MITF: variants seen among roughly 807,000 people sequenced by gnomAD.
MITF encodes melanocyte inducing transcription factor, also known as microphthalmia-associated transcription factor.
MITF carries 17 observed loss-of-function variants against 60.5 expected under a neutral mutation model. The ratio of observed to expected loss-of-function variants is 0.28; its 90% CI spans 0.19 to 0.42. The LOEUF is 0.42. MITF is among the 10% of genes least tolerant of loss of function. MITF has a pLI of 1.00. For missense variants in MITF, 622 were observed against 683.5 expected, an observed-to-expected ratio of 0.91 and a Z score of 1.00; for synonymous variants, 260 against 248.5, an observed-to-expected ratio of 1.05 and a Z score of -0.43.
chr3:69,875,192 G>A (rs954639528), intron 1 of MITF, among the ~76,000 whole-genome samples: 7 of 152,100 alleles, frequency 4.6e-5, no homozygotes, highest in Non-Finnish European at 8.8e-5. Context: ...CCTCCTCCTC[G>A]AGCCATTGCT....
intron 7 of MITF, among the ~76,000 whole-genome samples, chr3:69,952,778 C>T (rs963277207): frequency 1.1e-4 from 16 of 152,068 alleles, no homozygotes; most frequent in African/African-American, 3.6e-4. Flanking sequence ...TTAACACAAA[C>T]GGTATCATAT....
intron 1 of MITF, among the ~76,000 whole-genome samples, chr3:69,825,367 G>A (rs751567323): frequency 1.3e-5 from 2 of 152,154 alleles, no homozygotes; most frequent in Non-Finnish European, 2.9e-5. Flanking sequence ...ATCTGTAATG[G>A]AGGAAGAGAA....
intron 1 of MITF, among the ~76,000 whole-genome samples, chr3:69,767,485 T>C (rs2062316616): frequency 1.3e-5 from 2 of 152,064 alleles, no homozygotes; most frequent in Non-Finnish European, 2.9e-5. Context: ...CTTGGGAGGC[T>C]GAGGCAGGAG....
intron 2 of MITF, among the ~76,000 whole-genome samples, chr3:69,902,163 G>C (rs1388582562): frequency 7.2e-5 from 11 of 152,110 alleles, no homozygotes; most frequent in Admixed American, 7.2e-4. Flanking sequence ...GTGAGTCATA[G>C]TATCTATTAG....
At chr3:69,903,279 G>C (rs1294123672) in intron 2 of MITF, among the ~76,000 whole-genome samples, 2 of 152,138 alleles carry the variant, frequency 1.3e-5, no homozygotes, top group East Asian at 3.9e-4. Context: ...CTTGTAATCT[G>C]TATTTTTATA....
In MITF at chr3:69,874,107, A is replaced by C. The variant is rs905191580; in HGVS notation, c.105-5027A>C. ...ATATCCACCACTGTGCCTCCTGGAC[A>C]TAAATAAATTGTACATCAGTGCAAA... is the stretch of plus-strand genomic sequence containing the variant. On this transcript the variant is annotated intron_variant, in intron 1 of 9. Coordinates refer to ENST00000352241, the MANE Select transcript of MITF (RefSeq NM_001354604.2). Among the ~76,000 whole-genome samples, 3 of 152,226 alleles carry C rather than the reference A, an allele frequency of 2.0e-5. No homozygotes were observed. The South Asian group carries it at 6.2e-4, about 32-fold the overall frequency.
In MITF at chr3:69,799,660, G is replaced by C. The variant is rs2062885944; in HGVS notation, c.104+59959G>C. On this transcript the variant is annotated intron_variant, in intron 1 of 9. Coordinates refer to ENST00000352241, the MANE Select transcript of MITF (RefSeq NM_001354604.2). ...TCTTTCACACTGTCTTATTTCTTTG[G>C]TCAAAAATCTACTGTTTTTTGTTTG... is the stretch of plus-strand genomic sequence containing the variant. 2.0e-5 allele frequency among the ~76,000 whole-genome samples: 3 copies of C among 151,962 alleles called. No individual in the cohort carries two copies. In the South Asian group the frequency reaches 6.2e-4, roughly 32 times the overall value.
chr3:69,766,028 T>C (rs151234777), intron 1 of MITF, among the ~76,000 whole-genome samples: 32 of 152,346 alleles, frequency 2.1e-4, no homozygotes, highest in Non-Finnish European at 3.8e-4. Context: ...CTATGAGTTA[T>C]CTTTTTAAAA....
At chr3:69,845,004 G>GT (rs1225846487) in intron 1 of MITF, among the ~76,000 whole-genome samples, 2 of 152,120 alleles carry the variant, frequency 1.3e-5, no homozygotes, top group Non-Finnish European at 2.9e-5. Context: ...CCCTGTAGAT[G>GT]TTTAACTGTA....
At chr3:69,881,955 G>A (rs1427996543) in intron 2 of MITF, among the ~76,000 whole-genome samples, 1 of 152,120 alleles carries the variant, frequency 6.6e-6, no homozygotes, top group Non-Finnish European at 1.5e-5. Context: ...ATGCACTAGA[G>A]AATCTGGTTA....
At chr3:69,750,680 G>A (rs1030829209) in intron 1 of MITF, among the ~76,000 whole-genome samples, 1 of 151,908 alleles carries the variant, frequency 6.6e-6, no homozygotes. Context: ...CTGTTTGGTA[G>A]GTCTGGAGTA....
At chr3:69,907,643 A>G (rs1459917821) in intron 2 of MITF, among the ~76,000 whole-genome samples, 1 of 152,178 alleles carries the variant, frequency 6.6e-6, no homozygotes, top group Non-Finnish European at 1.5e-5. Context: ...AGGAGGCCTG[A>G]CCTGTCTATC....
intron 1 of MITF, among the ~76,000 whole-genome samples, chr3:69,869,404 G>T (rs2064179482): frequency 6.6e-6 from 1 of 152,148 alleles, no homozygotes; most frequent in South Asian, 2.1e-4. Context: ...AGAAGGTTTA[G>T]AGAAGGGGAT....
At chr3:69,842,589 G>A (rs1438347507) in intron 1 of MITF, among the ~76,000 whole-genome samples, 1 of 152,226 alleles carries the variant, frequency 6.6e-6, no homozygotes, top group Admixed American at 6.5e-5. Flanking sequence ...GATGTTTGAA[G>A]TGTGTGCTTG....
chr3:69,742,937 A>G (rs929472094), intron 1 of MITF, among the ~76,000 whole-genome samples: 2 of 152,016 alleles, frequency 1.3e-5, no homozygotes, highest in African/African-American at 2.4e-5. Flanking sequence ...ATTATAATCT[A>G]CTGTATAATT....
chr3:69,941,670 G>T (rs140801826), intron 5 of MITF, among the ~76,000 whole-genome samples: 18 of 152,192 alleles, frequency 1.2e-4, no homozygotes, highest in African/African-American at 4.1e-4. Flanking sequence ...ATTCACAGTG[G>T]TGCTCTAGTT....
chr3:69,965,778 C>A lies in MITF; in HGVS notation c.*530C>A, dbSNP rs2066675917. 1 of 230,714 alleles carries A rather than the reference C, an allele frequency of 4.3e-6. No homozygotes were observed. The highest frequency in any genetic ancestry group is 6.2e-5 in the East Asian group (1 of 16,052). The allele number at this position is 230,714 out of a possible 1,614,324, so 14.3% of individuals were successfully genotyped here. On this transcript the variant is annotated 3_prime_UTR_variant, in exon 10 of 10. Coordinates refer to ENST00000352241, the MANE Select transcript of MITF (RefSeq NM_001354604.2). Reference sequence around the variant, plus strand: ...CCTCTAGCTTTGTTTAGTCTTTATACTGCAAACTATTTAAAGAAATATGTA... The same window carrying A: ...CCTCTAGCTTTGTTTAGTCTTTATAATGCAAACTATTTAAAGAAATATGTA...
chr3:69,933,354 G>A (rs2065764292), intron 2 of MITF, among the ~76,000 whole-genome samples: 1 of 152,130 alleles, frequency 6.6e-6, no homozygotes, highest in African/African-American at 2.4e-5. Flanking sequence ...CAAGATGGTA[G>A]TATCTATAGC....
intron 2 of MITF, among the ~76,000 whole-genome samples, chr3:69,901,123 T>A (rs527900748): frequency 1.3e-5 from 2 of 150,538 alleles, no homozygotes; most frequent in Middle Eastern, 7.0e-3. Flanking sequence ...TTTTTGGTTG[T>A]AATTTCAAGC....
Sources: allele counts gnomAD v4.1 joint callset (sites outside exome capture counted in the v4.1 genomes callset), GRCh38; gene constraint gnomAD v4.1.1; transcripts MANE v1.5; gene names NCBI Gene and HGNC (gene_info 2026-07-23, HGNC 2026-07-21).